Variants in DNAH12 observed in about 807,000 individuals in gnomAD.
DNAH12 encodes the protein dynein axonemal heavy chain 12.
DNAH12 carries 285 observed loss-of-function variants against 371.5 expected under a neutral mutation model. The ratio of observed to expected loss-of-function variants is 0.77; its 90% confidence interval spans 0.70 to 0.85. The LOEUF (loss-of-function observed/expected upper bound fraction) is 0.85, where lower values mean the gene tolerates loss of function less well. Among genes scored for constraint, DNAH12 ranks in the 40% least tolerant of loss-of-function variants. DNAH12 has a pLI of 0.00. For synonymous variants in DNAH12, 1,200 were observed against 1,213.0 expected (o/e 0.99, Z 0.22); for missense variants, 3,611 against 3,689.4 (o/e 0.98, Z 0.55).
At chr3:57,294,454 C>A (rs1395786905) in intron 73 of DNAH12, among the ~76,000 whole-genome samples, 1 of 152,068 alleles carries the variant, frequency 6.6e-6, no homozygotes, top group Non-Finnish European at 1.5e-5. Flanking sequence ...GGATTACAGG[C>A]GTGAGCCACT....
chr3:57,349,608 A>G (rs2062624457), intron 60 of DNAH12, among the ~76,000 whole-genome samples: 1 of 152,246 alleles, frequency 6.6e-6, no homozygotes, highest in Admixed American at 6.5e-5. Context: ...TGTGACATAT[A>G]TATACCACAA....
chr3:57,548,612 G>C (rs2069596017), upstream of DNAH12, among the ~76,000 whole-genome samples: 1 of 152,104 alleles, frequency 6.6e-6, no homozygotes, highest in African/African-American at 2.4e-5. Flanking sequence ...AGACTGAGGG[G>C]GGAGGATCAC....
chr3:57,294,308 G>C (rs1039841550), intron 73 of DNAH12, among the ~76,000 whole-genome samples: 2 of 151,728 alleles, frequency 1.3e-5, no homozygotes, highest in Non-Finnish European at 2.9e-5. Flanking sequence ...TCCTGAGTAG[G>C]TGGGACTACA....
At chr3:57,448,572 G>C (rs927770274) in intron 25 of DNAH12, among the ~76,000 whole-genome samples, 3 of 152,182 alleles carry the variant, frequency 2.0e-5, no homozygotes, top group African/African-American at 7.2e-5. Flanking sequence ...ATTGCAAAAA[G>C]CAAAAGAACA....
At chr3:57,461,386 T>C (rs1403379422) in intron 19 of DNAH12, 103 bp downstream of exon 19, 5 of 1,115,132 alleles carry the variant, frequency 4.5e-6, no homozygotes, top group Non-Finnish European at 6.4e-6. Context: ...GAATAAACAC[T>C]TAAAAAACCA....
At chr3:57,305,167 C>A (rs1486954812) in intron 69 of DNAH12, among the ~76,000 whole-genome samples, 2 of 152,140 alleles carry the variant, frequency 1.3e-5, no homozygotes, top group Non-Finnish European at 2.9e-5. Flanking sequence ...GTCTGAGGTG[C>A]CTGACGTCCA....
chr3:57,504,018 G>A lies in DNAH12; in HGVS notation c.1084C>T (p.Gln362Ter). Residue 362 changes from glutamine to a stop codon, truncating the protein, a stop_gained and splice_region_variant, in exon 9 of 74, where the codon CAG becomes TAG. Transcript: ENST00000495027. LOFTEE classifies it high-confidence loss of function. The part of the protein sequence containing the change: ...SLVERIAEAL[Q>*]NVQTIPSWLS... ...CCCGATGGGTAAAGATGTAATACCT[G>A]CAGAGCTTCGGCTATTCGTTCCACC... is the stretch of plus-strand genomic sequence containing the variant. 6.2e-7 allele frequency: 1 copy of A among 1,611,354 alleles called. No homozygotes were observed. Among genetic ancestry groups the A allele is most frequent in the Non-Finnish European group, 8.5e-7 (1 of 1,178,100 alleles).
chr3:57,351,949 A>T, intron 60 of DNAH12, 136 bp downstream of exon 60: 1 of 860,422 alleles, frequency 1.2e-6, no homozygotes, highest in Non-Finnish European at 1.7e-6. Flanking sequence ...AGCCATTGTT[A>T]TCAGTGAAAT....
intron 32 of DNAH12, among the ~76,000 whole-genome samples, 191 bp downstream of exon 32, chr3:57,433,176 A>AC (rs970651535): frequency 5.6e-4 from 60 of 106,820 alleles, no homozygotes; most frequent in African/African-American, 2.0e-3. Context: ...TCATTCTACA[A>AC]AAAAAAAAAA....
At chr3:57,470,380 A>G in intron 16 of DNAH12, 63 bp downstream of exon 16, 2 of 1,431,480 alleles carry the variant, frequency 1.4e-6, no homozygotes, top group Non-Finnish European at 1.9e-6. Context: ...AAAAAAATCA[A>G]TTTATATTTT....
intron 60 of DNAH12, among the ~76,000 whole-genome samples, chr3:57,336,768 G>C (rs144968269): frequency 6.6e-6 from 1 of 152,140 alleles, no homozygotes; most frequent in Admixed American, 6.5e-5. Flanking sequence ...GAAAAAAGCT[G>C]AACAAACTGA....
intron 6 of DNAH12, 71 bp downstream of exon 6, chr3:57,509,069 G>T (rs1272441824): frequency 2.3e-6 from 3 of 1,306,738 alleles, no homozygotes; most frequent in African/African-American, 3.0e-5. Flanking sequence ...TATACTTGAA[G>T]GTAAGATCAG....
intron 2 of DNAH12, among the ~76,000 whole-genome samples, chr3:57,534,373 A>C (rs1395766575): frequency 1.3e-5 from 2 of 152,154 alleles, no homozygotes; most frequent in Non-Finnish European, 2.9e-5. Flanking sequence ...TTTTGTGTGT[A>C]GAAAATTGTT....
At position 57,310,938 on chromosome 3, in the gene DNAH12, C is replaced by T; in HGVS notation, c.10675G>A (p.Glu3559Lys). ...SIRQLQLFINEYDTIPFEAIS... is the reference protein window; with the variant it reads ...SIRQLQLFINKYDTIPFEAIS... Reference sequence around the variant, plus strand: ...GCTTCAAATGGAATTGTATCATATTCATTGATAAATAACTGAAGCAAAGGA... The same window carrying T: ...GCTTCAAATGGAATTGTATCATATTTATTGATAAATAACTGAAGCAAAGGA... The change falls in exon 67 of 74, where the codon GAA (glutamate) becomes AAA (lysine). Residue 3559 changes from glutamate (E) to lysine (K), a missense_variant. Coordinates refer to ENST00000495027, the MANE Select transcript of DNAH12 (RefSeq NM_001366028.2). 6.5e-7 allele frequency: 1 copy of T among 1,545,216 alleles called. No individual in the cohort carries two copies. Among genetic ancestry groups the T allele is most frequent in the Middle Eastern group, 1.7e-4 (1 of 5,980 alleles).
chr3:57,464,930 A>G (rs925540575), intron 17 of DNAH12, among the ~76,000 whole-genome samples: 8 of 152,232 alleles, frequency 5.3e-5, no homozygotes, highest in Admixed American at 5.2e-4. Flanking sequence ...CAAAATCTGA[A>G]TAGCTCCTAT....
At chr3:57,470,360 C>T in intron 16 of DNAH12, 83 bp downstream of exon 16, 1 of 1,329,250 alleles carries the variant, frequency 7.5e-7, no homozygotes, top group Non-Finnish European at 9.9e-7. Flanking sequence ...CTTTTAAACA[C>T]TTAACCAAAA....
chr3:57,542,937 G>A, intron 1 of DNAH12, 34 bp from the exon 2 acceptor site: 1 of 1,447,778 alleles, frequency 6.9e-7, no homozygotes, highest in Non-Finnish European at 9.1e-7. Flanking sequence ...CCATTATTAT[G>A]TCAGCAAGCC....
chr3:57,453,737 C>T (rs910433951), intron 23 of DNAH12, among the ~76,000 whole-genome samples: 1 of 152,010 alleles, frequency 6.6e-6, no homozygotes, highest in Non-Finnish European at 1.5e-5. Flanking sequence ...GTAGGTCTGG[C>T]TAATTTTTTG....
At chr3:57,437,918 C>CA (rs1172711715) in intron 29 of DNAH12, among the ~76,000 whole-genome samples, 2 of 152,134 alleles carry the variant, frequency 1.3e-5, no homozygotes, top group Non-Finnish European at 2.9e-5. Context: ...AATGCTGCAA[C>CA]AAAACTCTGA....
Sources: allele counts gnomAD v4.1 joint callset (sites outside exome capture counted in the v4.1 genomes callset), GRCh38; gene constraint gnomAD v4.1.1; transcripts MANE v1.5; gene names NCBI Gene and HGNC (gene_info 2026-07-23, HGNC 2026-07-21).